Variants in TSC22D2 observed in about 807,000 individuals in gnomAD.
TSC22D2 encodes TSC22 domain family protein 2.
In TSC22D2, 5 loss-of-function variants were observed where a neutral mutation model predicts 50.1. The observed-to-expected ratio is 0.10, with a 90% CI of 0.05 to 0.21. The LOEUF (loss-of-function observed/expected upper bound fraction) is 0.21. Ranked by LOEUF, TSC22D2 falls within the 10% of genes least tolerant of loss-of-function variation. TSC22D2 has a pLI of 1.00. For missense variants in TSC22D2, 1,003 were observed against 1,015.5 expected (o/e 0.99, Z 0.17); for synonymous variants, 501 against 450.1 (o/e 1.11, Z -1.43).
chr3:150,433,247 T>C (rs991607916), intron 1 of TSC22D2, among the ~76,000 whole-genome samples: 5 of 152,198 alleles, frequency 3.3e-5, no homozygotes, highest in African/African-American at 1.2e-4. Flanking sequence ...CACTTTTTAA[T>C]TGTGTGATAT....
intron 1 of TSC22D2, among the ~76,000 whole-genome samples, chr3:150,413,062 A>G (rs1719651876): frequency 6.6e-6 from 1 of 152,120 alleles, no homozygotes. Context: ...CACCTCTCTC[A>G]GTTTACAGCA....
At chr3:150,445,268 G>A (rs1297178070) in intron 1 of TSC22D2, among the ~76,000 whole-genome samples, 4 of 150,748 alleles carry the variant, frequency 2.7e-5, no homozygotes, top group African/African-American at 7.3e-5. Context: ...AGCAGAGATC[G>A]CGCCATTGCA....
intron 1 of TSC22D2, among the ~76,000 whole-genome samples, chr3:150,436,650 C>T (rs981282408): frequency 6.6e-6 from 1 of 152,094 alleles, no homozygotes; most frequent in Admixed American, 6.5e-5. Context: ...ACCACTTATC[C>T]TCATAAATAT....
chr3:150,411,846 A>G (rs191123999), intron 1 of TSC22D2, among the ~76,000 whole-genome samples: 60 of 152,336 alleles, frequency 3.9e-4, no homozygotes, highest in African/African-American at 1.2e-3. Flanking sequence ...GATCATACTT[A>G]GTTCAGCCTT....
intron 1 of TSC22D2, among the ~76,000 whole-genome samples, chr3:150,430,793 G>A (rs987807533): frequency 6.6e-6 from 1 of 152,080 alleles, no homozygotes; most frequent in Admixed American, 6.6e-5. Flanking sequence ...AATACCACCT[G>A]CATTTAGATA....
At chr3:150,431,876 A>G (rs1194666330) in intron 1 of TSC22D2, among the ~76,000 whole-genome samples, 1 of 152,164 alleles carries the variant, frequency 6.6e-6, no homozygotes, top group Non-Finnish European at 1.5e-5. Flanking sequence ...TATGTATTAA[A>G]TTGGGCTTTT....
In TSC22D2 at chr3:150,464,118, T is replaced by G. The variant is rs1339421960; in HGVS notation, c.*5482T>G. ...CAGTTCAACTTCTCCATAAAAAAGTTAAGTTCATCTCTCCATTCTTTTGCA... is the reference window on the plus strand; with the variant it reads ...CAGTTCAACTTCTCCATAAAAAAGTGAAGTTCATCTCTCCATTCTTTTGCA... On this transcript the variant is annotated 3_prime_UTR_variant, in exon 3 of 3. Coordinates refer to ENST00000688009, the MANE Select transcript of TSC22D2 (RefSeq NM_001303264.2). The G allele has an allele frequency of 6.6e-6, 1 of 152,186 alleles. No homozygotes were observed. Among genetic ancestry groups the G allele is most frequent in the Non-Finnish European group, 1.5e-5 (1 of 68,042 alleles). The allele number at this position is 152,186 out of a possible 1,614,324, so 9.4% of individuals were successfully genotyped here. A position where few individuals can be genotyped will look rare whatever the true frequency, so the allele number is the denominator to read the frequency against.
rs1721522628 is a variant in TSC22D2, at chr3:150,465,570, A to ATG, written c.*6938_*6939dup. ...CTTTTAATGTCCTAAAGAAACATAC[A>ATG]TGTGTTCACAAGATAGCCTGTACAA... is the stretch of plus-strand genomic sequence containing the variant. On this transcript the variant is annotated 3_prime_UTR_variant, in exon 3 of 3. Transcript: ENST00000688009. 1 of 152,290 alleles carries ATG rather than the reference A, an allele frequency of 6.6e-6. No homozygotes were observed. Among genetic ancestry groups the ATG allele is most frequent in the Admixed American group, 6.5e-5 (1 of 15,292 alleles). 9.4% of individuals were successfully genotyped at this position (152,290 alleles called of 1,614,324 possible).
chr3:150,458,282 C>A, intron 2 of TSC22D2, 94 bp from the exon 3 acceptor site: 1 of 1,285,982 alleles, frequency 7.8e-7, no homozygotes, highest in Non-Finnish European at 1.1e-6. Flanking sequence ...AGCAGGAAAA[C>A]TAGTATAAAA....
intron 1 of TSC22D2, among the ~76,000 whole-genome samples, chr3:150,427,923 T>C (rs1430959673): frequency 2.0e-5 from 3 of 152,116 alleles, no homozygotes. Flanking sequence ...TAGCCTCCCT[T>C]AATGTTAACA....
chr3:150,452,454 AAAAG>A (rs973412471), intron 1 of TSC22D2, among the ~76,000 whole-genome samples: 4 of 152,096 alleles, frequency 2.6e-5, no homozygotes, highest in Non-Finnish European at 5.9e-5. Context: ...TCAAAAAAAA[AAAAG>A]AGAGAGAGAT....
chr3:150,427,589 A>C lies in TSC22D2; in HGVS notation c.1958+16281A>C, dbSNP rs181843013. Among the ~76,000 whole-genome samples, 360 of 152,212 alleles carry C rather than the reference A, an allele frequency of 2.4e-3. 1 individual carries two copies. Among genetic ancestry groups the C allele is most frequent in the African/African-American group, 8.4e-3 (347 of 41,538 alleles). On this transcript the variant is annotated intron_variant, in intron 1 of 2. Coordinates refer to ENST00000688009, the MANE Select transcript of TSC22D2 (RefSeq NM_001303264.2). ...TAAGTATCTTGAGGATATGTACCTG[A>C]ACCATTTTGTGACCAACCCCAATAT...
chr3:150,424,156 G>A (rs1215932666), intron 1 of TSC22D2, among the ~76,000 whole-genome samples: 2 of 152,076 alleles, frequency 1.3e-5, no homozygotes, highest in African/African-American at 4.8e-5. Context: ...TTTTTAAATA[G>A]TTACTTTTAG....
At chr3:150,418,426 T>C (rs951524798) in intron 1 of TSC22D2, among the ~76,000 whole-genome samples, 5 of 152,024 alleles carry the variant, frequency 3.3e-5, no homozygotes, top group African/African-American at 1.2e-4. Flanking sequence ...TGCATAGGTA[T>C]TTATATAGTT....
intron 1 of TSC22D2, among the ~76,000 whole-genome samples, chr3:150,447,900 G>A (rs1720933852): frequency 6.6e-6 from 1 of 152,042 alleles, no homozygotes; most frequent in Non-Finnish European, 1.5e-5. Flanking sequence ...TTATAGTGTC[G>A]AGTTTTTAAT....
rs149298464 is a variant in TSC22D2, at chr3:150,458,565, C to A, written c.2200C>A (p.Gln734Lys). Reference protein sequence around the residue: ...QQANPGSTSQQQAVIAQPPQP... With the variant: ...QQANPGSTSQKQAVIAQPPQP... ...GGCCAATCCTGGTAGCACTTCTCAA[C>A]AGCAAGCAGTGATAGCACAGCCTCC... The change falls in exon 3 of 3, where the codon CAG becomes AAG. Residue 734 changes from glutamine to lysine, a missense_variant. Physicochemically the swap from Gln to Lys is moderately conservative, Grantham distance 53 (BLOSUM62 1). Around this residue, in one of 6 missense-constraint regions of TSC22D2, gnomAD observed 54 missense variants for 51.4 expected, o/e 1.05. Transcript: ENST00000688009. 824 of 1,614,202 alleles carry A rather than the reference C, an allele frequency of 5.1e-4. 5 individuals are homozygous for A. The highest frequency in any genetic ancestry group is 3.5e-3 in the Middle Eastern group (21 of 6,062).
rs978847608 is a variant in TSC22D2, at chr3:150,464,775, G to A, written c.*6139G>A. The A allele has an allele frequency of 1.6e-4, 25 of 152,020 alleles. 1 individual carries two copies. Among genetic ancestry groups the A allele is most frequent in the Admixed American group, 2.0e-4 (3 of 15,262 alleles). 9.4% of individuals were successfully genotyped at this position (152,020 alleles called of 1,614,324 possible). ...GGGAAAAGCCTTCCACCTCGACATCGAGCCTATGAAGTATTCCCTAAAAAA... is the reference window on the plus strand; with the variant it reads ...GGGAAAAGCCTTCCACCTCGACATCAAGCCTATGAAGTATTCCCTAAAAAA... On this transcript the variant is annotated 3_prime_UTR_variant, in exon 3 of 3. Coordinates refer to ENST00000688009, the MANE Select transcript of TSC22D2 (RefSeq NM_001303264.2).
intron 1 of TSC22D2, among the ~76,000 whole-genome samples, chr3:150,419,344 AAGTT>A (rs1476517784): frequency 6.6e-6 from 1 of 152,092 alleles, no homozygotes; most frequent in Non-Finnish European, 1.5e-5. Flanking sequence ...GGCACACAAT[AAGTT>A]AGGAAGAAGG....
rs1274464564 is a variant in TSC22D2 at position 150,460,767 on chromosome 3, G to A, written c.*2131G>A. 8.0e-6 allele frequency: 1 copy of A among 125,496 alleles called. No homozygotes were observed. The highest frequency in any genetic ancestry group is 2.9e-5 in the African/African-American group (1 of 35,056). 7.8% of individuals were successfully genotyped at this position (125,496 alleles called of 1,614,324 possible). On this transcript the variant is annotated 3_prime_UTR_variant, in exon 3 of 3. Coordinates refer to ENST00000688009, the MANE Select transcript of TSC22D2 (RefSeq NM_001303264.2). ...CTGTGACATGTGATATTTAATACAGGTGGAGAAAAACTAGTCTTAGAAATG... is the reference window on the plus strand; with the variant it reads ...CTGTGACATGTGATATTTAATACAGATGGAGAAAAACTAGTCTTAGAAATG...
Sources: gnomAD v4.1 joint callset for allele counts (sites outside exome capture counted in the v4.1 genomes callset) on GRCh38, gnomAD v4.1.1 for gene constraint, gnomAD v4.1.1 regional missense constraint, MANE v1.5 for transcripts, NCBI Gene and HGNC (gene_info 2026-07-23, HGNC 2026-07-21) for gene names.